The following DMBX1 variants were observed in gnomAD, a reference collection of about 807,000 sequenced individuals.
DMBX1 encodes diencephalon/mesencephalon homeobox 1.
DMBX1 carries 7 observed loss-of-function variants against 30.4 expected under a neutral mutation model. That is an observed-to-expected ratio of 0.23 (90% CI 0.13 to 0.43). The LOEUF (loss-of-function observed/expected upper bound fraction) is 0.43, where lower values mean the gene tolerates loss of function less well. Among genes scored for constraint, DMBX1 ranks in the 20% least tolerant of loss-of-function variants. The pLI is 1.00. For synonymous variants in DMBX1, 222 were observed against 214.2 expected, an observed-to-expected ratio of 1.04 and a Z score of -0.32; for missense variants, 460 against 508.5, an observed-to-expected ratio of 0.90 and a Z score of 0.92.
rs1666442384 is a variant in DMBX1 at position 46,514,114 on chromosome 1, G to A, written c.*1620G>A. 1.3e-5 allele frequency: 2 copies of A among 152,270 alleles called. No individual in the cohort carries two copies. Among genetic ancestry groups the A allele is most frequent in the Admixed American group, 1.3e-4 (2 of 15,282 alleles). The allele number at this position is 152,270 out of a possible 1,614,324, so 9.4% of individuals were successfully genotyped here. On this transcript the variant is annotated 3_prime_UTR_variant, in exon 6 of 6. Transcript: ENST00000360032. ...TGTAATCCCAGCTACTTGGGAGGCT[G>A]AGTTGGGAGGATTGCTGCAATCTGG...
chr1:46,513,783 T>C lies in DMBX1; in HGVS notation c.*1289T>C, dbSNP rs1359536960. ...CTGAGCACGGTGCGTGCAAAGCATA[T>C]AGCAGCACATAGGCTCAGGCTTCTG... is the stretch of plus-strand genomic sequence containing the variant. On this transcript the variant is annotated 3_prime_UTR_variant, in exon 6 of 6. Transcript: ENST00000360032. The C allele has an allele frequency of 6.6e-6, 1 of 152,256 alleles. No homozygotes were observed. The highest frequency in any genetic ancestry group is 1.9e-4 in the East Asian group (1 of 5,188). 9.4% of individuals were successfully genotyped at this position (152,256 alleles called of 1,614,324 possible).
At position 46,512,611 on chromosome 1, in the gene DMBX1, T is replaced by TC; in HGVS notation, c.*119dup. 8.6e-7 allele frequency: 1 copy of TC among 1,158,204 alleles called. No individual in the cohort carries two copies. Among genetic ancestry groups the TC allele is most frequent in the Non-Finnish European group, 1.2e-6 (1 of 837,654 alleles). 71.7% of individuals were successfully genotyped at this position (1,158,204 alleles called of 1,614,324 possible). A position where few individuals can be genotyped will look rare whatever the true frequency, so the allele number is the denominator to read the frequency against. On this transcript the variant is annotated 3_prime_UTR_variant, in exon 6 of 6. Coordinates refer to ENST00000360032, the MANE Select transcript of DMBX1 (RefSeq NM_172225.2). This position sits in a 1 kb window ranked among gnomAD's most constrained non-coding sequence, Gnocchi z 4.8. ...AGCCCAGGGATCCTAGGGCCTGGGG[T>TC]CCTGTTCCCTGCTCCGCTTCCCCAT...
chr1:46,490,103 A>G (rs550394497), intron 1 of DMBX1, among the ~76,000 whole-genome samples: 1 of 152,318 alleles, frequency 6.6e-6, no homozygotes, highest in South Asian at 2.1e-4. Flanking sequence ...CGAGTCGGGG[A>G]CAGACAGAGA....
In DMBX1 at chr1:46,512,546, G is replaced by A. The variant is rs1666405321; in HGVS notation, c.*52G>A. ...GTCTTAGGTGTCCCCTCCTAGCCCT[G>A]TGGTTATCCCTAGGTGGCTCTCGAG... On this transcript the variant is annotated 3_prime_UTR_variant, in exon 6 of 6. Coordinates refer to ENST00000360032, the MANE Select transcript of DMBX1 (RefSeq NM_172225.2). The surrounding 1 kb of genome is among the most constrained non-coding windows in gnomAD (Gnocchi z 4.8). The A allele has an allele frequency of 1.3e-6, 2 of 1,553,612 alleles. No individual in the cohort carries two copies. Among genetic ancestry groups the A allele is most frequent in the African/African-American group, 1.4e-5 (1 of 73,576 alleles).
In DMBX1 at chr1:46,515,848, C is replaced by A. The variant is rs1397557822; in HGVS notation, c.*3354C>A. Among the ~76,000 whole-genome samples the A allele has an allele frequency of 2.0e-5, 3 of 152,202 alleles. No individual in the cohort carries two copies. The highest frequency in any genetic ancestry group is 1.3e-4 in the Admixed American group (2 of 15,282). On this transcript the variant is annotated 3_prime_UTR_variant, in exon 6 of 6. Transcript: ENST00000360032. ...CTTCCAGGAATGCCTCATGCCTGGC[C>A]TCTCCCTGCTGTCTGAGTCTCCATT...
At chr1:46,494,009 T>A (rs1271388336) in intron 2 of DMBX1, among the ~76,000 whole-genome samples, 1 of 152,256 alleles carries the variant, frequency 6.6e-6, no homozygotes, top group Non-Finnish European at 1.5e-5. Context: ...CCACCACTTC[T>A]GTACCCTGGA....
rs2148491029 is a variant in DMBX1, at chr1:46,510,840, G to A, written c.334-95G>A. 1 of 1,376,280 alleles carries A rather than the reference G, an allele frequency of 7.3e-7. No individual in the cohort carries two copies. Among genetic ancestry groups the A allele is most frequent in the Non-Finnish European group, 9.8e-7 (1 of 1,022,834 alleles). The allele number at this position is 1,376,280 out of a possible 1,614,324, so 85.3% of individuals were successfully genotyped here. On this transcript the variant is annotated intron_variant, in intron 4 of 5. Coordinates refer to ENST00000360032, the MANE Select transcript of DMBX1 (RefSeq NM_172225.2). The surrounding 1 kb of genome is among the most constrained non-coding windows in gnomAD (Gnocchi z 4.1). The stretch of plus-strand genomic sequence containing the variant: ...TGTGCATTCCCTAGAGGGGTGGGGG[G>A]ATGTTATCACGTACATCCTCTCCCA...
At chr1:46,498,083 A>G (rs1464460732) in intron 2 of DMBX1, among the ~76,000 whole-genome samples, 1 of 152,062 alleles carries the variant, frequency 6.6e-6, no homozygotes, top group Non-Finnish European at 1.5e-5. Context: ...GGGCCTCCCT[A>G]TAGGGGCCAC....
intron 2 of DMBX1, among the ~76,000 whole-genome samples, chr1:46,499,470 A>C (rs1666083901): frequency 6.6e-6 from 1 of 152,164 alleles, no homozygotes; most frequent in Admixed American, 6.5e-5. Context: ...GAAGAACTTC[A>C]CCTGTTGACA....
At position 46,512,746 on chromosome 1, in the gene DMBX1, C is replaced by A; in HGVS notation, c.*252C>A. On this transcript the variant is annotated 3_prime_UTR_variant, in exon 6 of 6. Coordinates refer to ENST00000360032, the MANE Select transcript of DMBX1 (RefSeq NM_172225.2). This position sits in a 1 kb window ranked among gnomAD's most constrained non-coding sequence, Gnocchi z 4.8. Reference sequence around the variant, plus strand: ...GAGAGGCTGGGGTGCCCCAAGCTTCCCTCGGAGAAGTGAGAGGCTCTCCCT... The same window carrying A: ...GAGAGGCTGGGGTGCCCCAAGCTTCACTCGGAGAAGTGAGAGGCTCTCCCT... 2.0e-6 allele frequency: 1 copy of A among 510,848 alleles called. No homozygotes were observed. Among genetic ancestry groups the A allele is most frequent in the Non-Finnish European group, 3.4e-6 (1 of 290,104 alleles). 31.6% of individuals were successfully genotyped at this position (510,848 alleles called of 1,614,324 possible).
chr1:46,510,520 C>T lies in DMBX1; in HGVS notation c.199C>T (p.Arg67Cys), dbSNP rs911272430. 5.0e-6 allele frequency: 8 copies of T among 1,614,140 alleles called. No homozygotes were observed. The highest frequency in any genetic ancestry group is 6.8e-6 in the Non-Finnish European group (8 of 1,180,024). Residue 67 changes from arginine to cysteine, a missense_variant, in exon 4 of 6, where the codon CGT becomes TGT. Physicochemically the swap from Arg to Cys is radical, Grantham distance 180. Around this residue, in one of 3 missense-constraint regions of DMBX1, gnomAD observed 124 missense variants for 144.0 expected, o/e 0.86. Coordinates refer to ENST00000360032, the MANE Select transcript of DMBX1 (RefSeq NM_172225.2). This position sits in a 1 kb window ranked among gnomAD's most constrained non-coding sequence, Gnocchi z 4.1. ...ARYGSQHRKQ[R>C]RSRTAFTAQQ... ...TTATGGTTCCCAGCACCGCAAACAA[C>T]GTCGCAGCCGCACAGCGTTCACGGC...
rs147074724 is a variant in DMBX1, at chr1:46,501,101, T to C, written c.-12-5898T>C. 8.7e-4 allele frequency among the ~76,000 whole-genome samples: 133 copies of C among 152,250 alleles called. 3 individuals are homozygous for C. The East Asian group carries it at 0.024, about 27-fold the overall frequency. The stretch of plus-strand genomic sequence containing the variant: ...CTGTGTAATAATTTTTCTTTATATT[T>C]GCTAATCTGATCGGTAAACAATGAC... On this transcript the variant is annotated intron_variant, in intron 2 of 5. Coordinates refer to ENST00000360032, the MANE Select transcript of DMBX1 (RefSeq NM_172225.2).
intron 3 of DMBX1, among the ~76,000 whole-genome samples, chr1:46,508,435 C>T (rs1569894572): frequency 6.6e-6 from 1 of 152,114 alleles, no homozygotes; most frequent in Non-Finnish European, 1.5e-5. Flanking sequence ...GAGGGCATGG[C>T]CAGTCTCACT....
At position 46,513,331 on chromosome 1, in the gene DMBX1, T is replaced by C. The variant is rs1297066788; in HGVS notation, c.*837T>C. 1 of 152,216 alleles carries C rather than the reference T, an allele frequency of 6.6e-6. No homozygotes were observed. The highest frequency in any genetic ancestry group is 1.5e-5 in the Non-Finnish European group (1 of 68,048). 9.4% of individuals were successfully genotyped at this position (152,216 alleles called of 1,614,324 possible). On this transcript the variant is annotated 3_prime_UTR_variant, in exon 6 of 6. Transcript: ENST00000360032. ...CCAATAGAAGCAACAAGGCCCTAGCTGGAGACTCTGGGGATCTGGAGCTGC... is the reference window on the plus strand; with the variant it reads ...CCAATAGAAGCAACAAGGCCCTAGCCGGAGACTCTGGGGATCTGGAGCTGC...
In DMBX1 at chr1:46,510,651, G is replaced by A; in HGVS notation, c.330G>A (p.Val110=). The A allele has an allele frequency of 6.2e-7, 1 of 1,613,354 alleles. No homozygotes were observed. Among genetic ancestry groups the A allele is most frequent in the Non-Finnish European group, 8.5e-7 (1 of 1,179,788 alleles). ...AMCTNLPEAR[V]QVWFKNRRAK... ...GCACCAACCTGCCTGAGGCCCGGGT[G>A]CAGGTAGGGCCCAACTCTCCTAACT... is the stretch of plus-strand genomic sequence containing the variant. Residue 110 remains valine, a synonymous_variant, in exon 4 of 6, where the codon GTG becomes GTA. Coordinates refer to ENST00000360032, the MANE Select transcript of DMBX1 (RefSeq NM_172225.2). The surrounding 1 kb of genome is among the most constrained non-coding windows in gnomAD (Gnocchi z 4.1).
chr1:46,499,430 C>A (rs1233783833), intron 2 of DMBX1, among the ~76,000 whole-genome samples: 1 of 152,168 alleles, frequency 6.6e-6, no homozygotes, highest in Non-Finnish European at 1.5e-5. Flanking sequence ...AGATCCTGTG[C>A]GACTGGGGTT....
At chr1:46,492,549 G>T (rs944150950) in intron 2 of DMBX1, among the ~76,000 whole-genome samples, 1 of 152,190 alleles carries the variant, frequency 6.6e-6, no homozygotes, top group African/African-American at 2.4e-5. Flanking sequence ...ATTGGAGCAA[G>T]GGGACATTGT....
chr1:46,508,023 G>A (rs1666273721), intron 3 of DMBX1, among the ~76,000 whole-genome samples: 1 of 151,604 alleles, frequency 6.6e-6, no homozygotes, highest in African/African-American at 2.4e-5. Context: ...ACTGACTGTT[G>A]CCCTGCCCTG....
At chr1:46,506,564 C>T (rs1666239843) in intron 2 of DMBX1, among the ~76,000 whole-genome samples, 1 of 152,228 alleles carries the variant, frequency 6.6e-6, no homozygotes, top group Admixed American at 6.5e-5. Flanking sequence ...CAATGACTAA[C>T]ACTTTTGAGC....
Sources: gnomAD v4.1 joint callset for allele counts (sites outside exome capture counted in the v4.1 genomes callset) on GRCh38, gnomAD v4.1.1 for gene constraint, gnomAD v4.1.1 regional missense constraint, Gnocchi (gnomAD v3.1) non-coding constraint, MANE v1.5 for transcripts, NCBI Gene and HGNC (gene_info 2026-07-23, HGNC 2026-07-21) for gene names.